Variants in CALCRL observed in about 807,000 individuals in gnomAD.
CALCRL encodes calcitonin gene-related peptide type 1 receptor.
A neutral mutation model predicts 60.4 loss-of-function variants in CALCRL; 27 were observed. The observed-to-expected ratio is 0.45, with a 90% CI of 0.33 to 0.62. The LOEUF (loss-of-function observed/expected upper bound fraction) is 0.62. CALCRL is among the 20% of genes least tolerant of loss of function. The pLI is 0.03. For synonymous variants in CALCRL, 190 were observed against 182.6 expected, an observed-to-expected ratio of 1.04 and a Z score of -0.33; for missense variants, 424 against 540.7, an observed-to-expected ratio of 0.78 and a Z score of 2.14.
In CALCRL at chr2:187,352,248, T is replaced by A; in HGVS notation, c.994A>T (p.Met332Leu). ...VTHQAESNLYMKAVRATLILV... is the reference protein window; with the variant it reads ...VTHQAESNLYLKAVRATLILV... Reference sequence around the variant, plus strand: ...ATAAGAGTAGCTCTCACAGCTTTCATGTACAGATTGGATTCCGCTTGGTGT... The same window carrying A: ...ATAAGAGTAGCTCTCACAGCTTTCAAGTACAGATTGGATTCCGCTTGGTGT... The change falls in exon 13 of 15, where the codon ATG (methionine) becomes TTG (leucine). Residue 332 changes from methionine (M) to leucine (L), a missense_variant. Physicochemically the swap from Met to Leu is conservative, Grantham distance 15. Transcript: ENST00000392370. 6.2e-7 allele frequency: 1 copy of A among 1,612,286 alleles called. No individual in the cohort carries two copies. Among genetic ancestry groups the A allele is most frequent in the East Asian group, 2.2e-5 (1 of 44,814 alleles).
chr2:187,426,065 A>G (rs1198029137), intron 1 of CALCRL, among the ~76,000 whole-genome samples: 1 of 151,704 alleles, frequency 6.6e-6, no homozygotes, highest in East Asian at 1.9e-4. Context: ...TTATTTTTAT[A>G]CTTTAAATTA....
rs1313418824 is a variant in CALCRL at position 187,360,647 on chromosome 2, G to A, written c.732C>T (p.Ala244=). 3.7e-6 allele frequency: 6 copies of A among 1,611,962 alleles called. No individual in the cohort carries two copies. Among genetic ancestry groups the A allele is most frequent in the South Asian group, 2.2e-5 (2 of 90,814 alleles). The change falls in exon 10 of 15, where the codon GCC becomes GCT. Residue 244 remains alanine, a synonymous_variant. Coordinates refer to ENST00000392370, the MANE Select transcript of CALCRL (RefSeq NM_005795.6). ...TTAAATGTTGCTTCTCTGCAAACAC[G>A]GCCACCACAATGAGTGTGTGTAGGT... ...GIYLHTLIVV[A]VFAEKQHLMW... is the part of the protein sequence containing the mutation.
At chr2:187,396,021 T>TTTG (rs529744154) in intron 1 of CALCRL, among the ~76,000 whole-genome samples, 3,609 of 63,808 alleles carry the variant, frequency 0.057, 138 homozygotes, top group African/African-American at 0.15. Context: ...CCTGACACTG[T>TTTG]TTGTTGTTGT....
intron 1 of CALCRL, among the ~76,000 whole-genome samples, chr2:187,434,015 T>TA (rs141202413): frequency 0.062 from 9,395 of 152,090 alleles, 423 homozygotes; most frequent in East Asian, 0.19. Flanking sequence ...AACCAATTTT[T>TA]AAAAAAGAAG....
chr2:187,445,638 GT>G (rs1479119556), intron 1 of CALCRL, among the ~76,000 whole-genome samples: 1 of 151,404 alleles, frequency 6.6e-6, no homozygotes, highest in African/African-American at 2.4e-5. Context: ...TAGTGTTTAT[GT>G]GTTTATCAAA....
chr2:187,355,247 C>G (rs1686719735), intron 12 of CALCRL, among the ~76,000 whole-genome samples: 1 of 152,004 alleles, frequency 6.6e-6, no homozygotes, highest in Admixed American at 6.6e-5. Context: ...GATACACAGG[C>G]AGCTGTGGTA....
At chr2:187,435,117 A>C (rs1047978196) in intron 1 of CALCRL, among the ~76,000 whole-genome samples, 2 of 152,200 alleles carry the variant, frequency 1.3e-5, no homozygotes, top group African/African-American at 4.8e-5. Flanking sequence ...TTGTTTTGCT[A>C]TAAAGAAATA....
intron 7 of CALCRL, 57 bp from the exon 8 acceptor site, chr2:187,379,088 A>G: frequency 1.2e-6 from 1 of 804,434 alleles, no homozygotes; most frequent in South Asian, 1.5e-5. Flanking sequence ...AGTATCTGTA[A>G]TCCCACACAT....
intron 1 of CALCRL, among the ~76,000 whole-genome samples, chr2:187,411,928 G>A (rs563518295): frequency 5.4e-5 from 8 of 148,812 alleles, no homozygotes; most frequent in African/African-American, 1.2e-4. Context: ...CCTGGGAGGC[G>A]GAGCTTGCAG....
chr2:187,357,324 A>G (rs1015065616), intron 12 of CALCRL, among the ~76,000 whole-genome samples: 1 of 152,084 alleles, frequency 6.6e-6, no homozygotes, highest in East Asian at 1.9e-4. Context: ...CTATGCAGCC[A>G]TAAAAAGAAT....
chr2:187,358,567 AGGATG>A (rs1244274461), intron 12 of CALCRL, among the ~76,000 whole-genome samples: 162 of 149,888 alleles, frequency 1.1e-3, no homozygotes, highest in African/African-American at 3.9e-3. Flanking sequence ...GTGCCACAGG[AGGATG>A]ATGTCTGTGA....
chr2:187,414,157 A>G (rs1689488290), intron 1 of CALCRL, among the ~76,000 whole-genome samples: 1 of 152,126 alleles, frequency 6.6e-6, no homozygotes, highest in African/African-American at 2.4e-5. Flanking sequence ...GGAAAGCATC[A>G]TATCTAAATT....
At chr2:187,437,211 A>T (rs540495587) in intron 1 of CALCRL, among the ~76,000 whole-genome samples, 1 of 152,312 alleles carries the variant, frequency 6.6e-6, no homozygotes, top group South Asian at 2.1e-4. Flanking sequence ...GCAACATTTT[A>T]AAATGTTAAA....
rs187915253 is a variant in CALCRL, at chr2:187,360,513, G to A, written c.781+85C>T. 49 of 1,130,382 alleles carry A rather than the reference G, an allele frequency of 4.3e-5. No homozygotes were observed. In the East Asian group the frequency reaches 1.1e-3, roughly 24 times the overall value. The allele number at this position is 1,130,382 out of a possible 1,614,324, so 70.0% of individuals were successfully genotyped here. A position where few individuals can be genotyped will look rare whatever the true frequency, so the allele number is the denominator to read the frequency against. ...ATTCTTTAAAAATGATTACTCATTG[G>A]TATATTCATATTACAAAGGAACCTG... is the stretch of plus-strand genomic sequence containing the variant. On this transcript the variant is annotated intron_variant, in intron 10 of 14. Coordinates refer to ENST00000392370, the MANE Select transcript of CALCRL (RefSeq NM_005795.6).
intron 1 of CALCRL, among the ~76,000 whole-genome samples, chr2:187,418,865 T>C (rs1574302617): frequency 1.3e-5 from 2 of 148,700 alleles, no homozygotes; most frequent in South Asian, 2.1e-4. Context: ...TTTTCTTTTT[T>C]TTTTTTTTTT....
chr2:187,362,692 T>A (rs1004016349), intron 9 of CALCRL, among the ~76,000 whole-genome samples: 1 of 152,058 alleles, frequency 6.6e-6, no homozygotes. Context: ...ATTTTACATA[T>A]GCATATAGCT....
At chr2:187,415,628 AC>A in intron 1 of CALCRL, 1 of 617,736 alleles carries the variant, frequency 1.6e-6, no homozygotes, top group Non-Finnish European at 3.0e-6. Flanking sequence ...AAGGTGGTGA[AC>A]CAGGCATCGG....
At chr2:187,418,875 T>TA (rs1449962794) in intron 1 of CALCRL, among the ~76,000 whole-genome samples, 1 of 137,938 alleles carries the variant, frequency 7.2e-6, no homozygotes, top group Non-Finnish European at 1.6e-5. Flanking sequence ...TTTTTTTTTT[T>TA]AGATGGAGTC....
At chr2:187,424,317 G>A (rs73981576) in intron 1 of CALCRL, among the ~76,000 whole-genome samples, 2,798 of 151,996 alleles carry the variant, frequency 0.018, 90 homozygotes, top group African/African-American at 0.063. Flanking sequence ...GTTTTCCTTT[G>A]TGAGCTATCT....
Sources: allele counts gnomAD v4.1 joint callset (sites outside exome capture counted in the v4.1 genomes callset), GRCh38; gene constraint gnomAD v4.1.1; transcripts MANE v1.5; gene names NCBI Gene and HGNC (gene_info 2026-07-23, HGNC 2026-07-21).